PHF20: variants seen among roughly 807,000 people sequenced by gnomAD.
PHF20 encodes glioma-expressed antigen 2.
Under a neutral mutation model 113.5 loss-of-function variants are expected in PHF20, and 23 were observed. That is an observed-to-expected ratio of 0.20 (90% CI 0.15 to 0.29). The LOEUF is 0.29. Ranked by LOEUF, PHF20 falls within the 10% of genes least tolerant of loss-of-function variation. PHF20 has a pLI of 1.00. For missense variants in PHF20, 943 were observed against 1,219.6 expected (o/e 0.77, Z 3.38); for synonymous variants, 434 against 457.3 (o/e 0.95, Z 0.65).
chr20:35,879,375 T>A (rs1465859499), intron 9 of PHF20, among the ~76,000 whole-genome samples: 1 of 152,234 alleles, frequency 6.6e-6, no homozygotes, highest in Non-Finnish European at 1.5e-5. Flanking sequence ...AATTGCAAAT[T>A]ATATTTTTGC....
rs142349162 is a variant in PHF20 at position 35,831,800 on chromosome 20, G to A, written c.84-10773G>A. On this transcript the variant is annotated intron_variant, in intron 2 of 17. Transcript: ENST00000374012. ...TATGGTGGTCATCTGGTATCTCAAC[G>A]TTCTTCATGTCATTGCCCACTTGTA... is the stretch of plus-strand genomic sequence containing the variant. Among the ~76,000 whole-genome samples the A allele has an allele frequency of 1.6e-4, 24 of 152,250 alleles. No individual in the cohort carries two copies. The East Asian group carries it at 3.9e-3, about 24-fold the overall frequency.
At chr20:35,933,065 G>T in intron 15 of PHF20, among the ~76,000 whole-genome samples, 1 of 150,594 alleles carries the variant, frequency 6.6e-6, no homozygotes. Context: ...TGTTTTATGT[G>T]TATGCCACAT....
chr20:35,931,803 T>C (rs185646786), intron 15 of PHF20, among the ~76,000 whole-genome samples: 2 of 151,866 alleles, frequency 1.3e-5, no homozygotes, highest in East Asian at 4.0e-4. Context: ...TTACAAAAAT[T>C]AGCTAGGCGT....
chr20:35,816,158 C>T (rs986720165), intron 2 of PHF20, among the ~76,000 whole-genome samples: 3 of 150,268 alleles, frequency 2.0e-5, no homozygotes, highest in South Asian at 2.1e-4. Flanking sequence ...GGTTTTACCA[C>T]GTTGGCCAGG....
chr20:35,794,831 G>A (rs570847252), intron 1 of PHF20, among the ~76,000 whole-genome samples: 1 of 152,210 alleles, frequency 6.6e-6, no homozygotes, highest in African/African-American at 2.4e-5. Flanking sequence ...CATAGCGACA[G>A]TACTCTTTTG....
At chr20:35,935,770 G>A (rs1288667755) in intron 15 of PHF20, among the ~76,000 whole-genome samples, 2 of 152,206 alleles carry the variant, frequency 1.3e-5, no homozygotes, top group African/African-American at 4.8e-5. Context: ...AGAGGGCATA[G>A]GAAGATCTTG....
intron 2 of PHF20, among the ~76,000 whole-genome samples, chr20:35,803,785 TG>T (rs1341716266): frequency 1.3e-5 from 2 of 151,128 alleles, no homozygotes; most frequent in South Asian, 2.1e-4. Context: ...TCATACAACT[TG>T]TTTTTTTTCT....
chr20:35,892,224 A>ATT (rs780490898), intron 9 of PHF20, among the ~76,000 whole-genome samples: 117 of 102,500 alleles, frequency 1.1e-3, no homozygotes, highest in East Asian at 2.5e-3. Context: ...CGCCTGGCTG[A>ATT]TTTTTTTTTT....
At chr20:35,938,471 G>A (rs867623175) in intron 15 of PHF20, among the ~76,000 whole-genome samples, 1 of 152,298 alleles carries the variant, frequency 6.6e-6, no homozygotes, top group South Asian at 2.1e-4. Context: ...TCTTCTGACT[G>A]AGAGTCCAGT....
intron 6 of PHF20, among the ~76,000 whole-genome samples, chr20:35,865,439 A>T (rs1037266136): frequency 1.2e-3 from 180 of 149,464 alleles, no homozygotes; most frequent in African/African-American, 1.9e-3. Context: ...TAAAAAAAAA[A>T]TTTTTTTTAA....
At chr20:35,917,235 A>T (rs989158887) in intron 12 of PHF20, 3 of 578,538 alleles carry the variant, frequency 5.2e-6, no homozygotes, top group Non-Finnish European at 1.0e-5. Context: ...TTGAGTAGCC[A>T]CTGCCGTTGG....
At chr20:35,880,714 A>G (rs905400535) in intron 9 of PHF20, among the ~76,000 whole-genome samples, 23 of 152,286 alleles carry the variant, frequency 1.5e-4, no homozygotes, top group African/African-American at 5.3e-4. Flanking sequence ...TAATTCCAGC[A>G]CTTTGGGAGG....
At chr20:35,899,777 T>C (rs1305645084) in intron 10 of PHF20, 129 bp downstream of exon 10, 4 of 965,078 alleles carry the variant, frequency 4.1e-6, no homozygotes, top group African/African-American at 1.6e-5. Flanking sequence ...ACTGAACATA[T>C]TAAGTGATCC....
rs1237084836 is a variant in PHF20 at position 35,931,297 on chromosome 20, G to A, written c.2153G>A (p.Arg718Lys). The change falls in exon 15 of 18, where the codon AGG (arginine) becomes AAG (lysine). Residue 718 changes from arginine to lysine, a missense_variant. Physicochemically the swap from Arg to Lys is conservative, Grantham distance 26 (BLOSUM62 2). Around this residue, in one of 3 missense-constraint regions of PHF20, gnomAD observed 349 missense variants for 412.3 expected, o/e 0.85. Coordinates refer to ENST00000374012, the MANE Select transcript of PHF20 (RefSeq NM_016436.5). ...TGGTATGACAAGGAGTGGCTGAGCA[G>A]GGGACATATGCATGGCCTGGCATTT... ...KYWYDKEWLS[R>K]GHMHGLAFLE... 4 of 1,614,028 alleles carry A rather than the reference G, an allele frequency of 2.5e-6. No individual in the cohort carries two copies. Among genetic ancestry groups the A allele is most frequent in the Non-Finnish European group, 3.4e-6 (4 of 1,179,956 alleles).
At chr20:35,920,265 C>G (rs1404116596) in intron 13 of PHF20, among the ~76,000 whole-genome samples, 1 of 152,086 alleles carries the variant, frequency 6.6e-6, no homozygotes, top group African/African-American at 2.4e-5. Flanking sequence ...TGTATAATAT[C>G]CTTGAGATTC....
chr20:35,858,361 A>G lies in PHF20; in HGVS notation c.400A>G (p.Lys134Glu). The part of the protein sequence containing the change: ...VVQTVKHIHV[K>E]AFSKDQNIVG... ...TCAGACTGTCAAACATATTCATGTC[A>G]AAGCTTTTTCCAAAGATCAGGTGAG... The change falls in exon 5 of 18, where the codon AAA (lysine) becomes GAA (glutamate). Residue 134 changes from lysine to glutamate, a missense_variant. By Grantham distance (56) the Lys-to-Glu change is moderately conservative. Around this residue, in one of 3 missense-constraint regions of PHF20, gnomAD observed 592 missense variants for 787.2 expected, o/e 0.75. Transcript: ENST00000374012. The G allele has an allele frequency of 1.3e-6, 2 of 1,592,082 alleles. No homozygotes were observed. The highest frequency in any genetic ancestry group is 1.7e-6 in the Non-Finnish European group (2 of 1,162,702).
intron 3 of PHF20, 37 bp from the exon 4 acceptor site, chr20:35,847,313 G>A: frequency 7.3e-7 from 1 of 1,367,144 alleles, no homozygotes; most frequent in Non-Finnish European, 1.0e-6. Context: ...AAATTAGGTT[G>A]GTAACAGGAT....
At chr20:35,932,686 C>T (rs778352537) in intron 15 of PHF20, among the ~76,000 whole-genome samples, 1 of 152,158 alleles carries the variant, frequency 6.6e-6, no homozygotes, top group Non-Finnish European at 1.5e-5. Flanking sequence ...CCACCTCGGC[C>T]TCCGAAATTT....
At chr20:35,924,187 CTTTTCTTTTT>C (rs2055574403) in intron 13 of PHF20, among the ~76,000 whole-genome samples, 1 of 145,358 alleles carries the variant, frequency 6.9e-6, no homozygotes, top group Admixed American at 6.9e-5. Flanking sequence ...CTTTTCTTTT[CTTTTCTTTTT>C]TTTTTTTTTT....
Sources: gnomAD v4.1 joint callset for allele counts (sites outside exome capture counted in the v4.1 genomes callset) on GRCh38, gnomAD v4.1.1 for gene constraint, gnomAD v4.1.1 regional missense constraint, MANE v1.5 for transcripts, NCBI Gene and HGNC (gene_info 2026-07-23, HGNC 2026-07-21) for gene names.